The following INA variants were observed in gnomAD, a reference collection of about 807,000 sequenced individuals.
The protein encoded by INA is internexin neuronal intermediate filament protein alpha.
Under a neutral mutation model 40.1 loss-of-function variants are expected in INA, and 35 were observed. The ratio of observed to expected loss-of-function variants is 0.87; its 90% confidence interval spans 0.67 to 1.16. The LOEUF is 1.16. Ranked by LOEUF, INA falls within the 50% of genes most tolerant of loss-of-function variation. The pLI is 0.00. For missense variants in INA, 594 were observed against 686.7 expected (o/e 0.87, Z 1.51); for synonymous variants, 290 against 316.9 (o/e 0.92, Z 0.90).
At chr10:103,287,731 TAAAAAAA>T (rs942151006) in intron 2 of INA, among the ~76,000 whole-genome samples, 1 of 77,980 alleles carries the variant, frequency 1.3e-5, no homozygotes, top group African/African-American at 4.9e-5. Flanking sequence ...AGACTCTGTC[TAAAAAAA>T]AAAAAAAAAA....
At chr10:103,282,909 T>A (rs1006682866) in intron 1 of INA, among the ~76,000 whole-genome samples, 1 of 152,236 alleles carries the variant, frequency 6.6e-6, no homozygotes, top group African/African-American at 2.4e-5. Context: ...TATGATATTA[T>A]CAAGAATAAA....
Position 103,288,448 on chromosome 10 carries a change from C to T in INA, c.1279C>T (p.Leu427Phe). ...TCCACTTCCCAATCCAAGTTACCTG[C>T]TCCCACCTAGAATCCTCAGTGCTAC... ...LNPLPNPSYL[L>F]PPRILSATTS... The change falls in exon 3 of 3, where the codon CTC becomes TTC. Residue 427 changes from leucine (L) to phenylalanine (F), a missense_variant. Transcript: ENST00000369849. 1 of 1,613,970 alleles carries T rather than the reference C, an allele frequency of 6.2e-7. No homozygotes were observed. Among genetic ancestry groups the T allele is most frequent in the Non-Finnish European group, 8.5e-7 (1 of 1,179,996 alleles).
chr10:103,283,028 A>C (rs1025264839), intron 1 of INA, among the ~76,000 whole-genome samples: 10 of 152,242 alleles, frequency 6.6e-5, no homozygotes, highest in Non-Finnish European at 1.3e-4. Context: ...AGATATATTA[A>C]ATTGAAATCC....
rs908800289 is a variant in INA at position 103,286,907 on chromosome 10, A to G, written c.1066-128A>G. On this transcript the variant is annotated intron_variant, in intron 1 of 2. Transcript: ENST00000369849. ...GATCTGGACTCAGGGACAGACCTGG[A>G]TATAAGCAAGTTATAAGTTCATTAG... The G allele has an allele frequency of 4.3e-6, 4 of 935,254 alleles. No individual in the cohort carries two copies. In the East Asian group the frequency reaches 1.1e-4, roughly 25 times the overall value. 57.9% of individuals were successfully genotyped at this position (935,254 alleles called of 1,614,324 possible).
intron 2 of INA, 108 bp downstream of exon 2, chr10:103,287,267 A>C (rs1380210583): frequency 1.6e-6 from 2 of 1,267,562 alleles, no homozygotes; most frequent in African/African-American, 3.0e-5. Context: ...GGGAGGGAAG[A>C]AGGGCATCAC....
chr10:103,278,457 GC>G lies in INA; in HGVS notation c.1065+185del, dbSNP rs1225667243. On this transcript the variant is annotated intron_variant, in intron 1 of 2. Transcript: ENST00000369849. The surrounding 1 kb of genome is among the most constrained non-coding windows in gnomAD (Gnocchi z 4.9). ...GTCTTTAATGTTAATTTTAGGGAAC[GC>G]CCCTCATTTATGTCCCTGCCCCAGC... 6.6e-6 allele frequency among the ~76,000 whole-genome samples: 1 copy of G among 152,162 alleles called. No individual in the cohort carries two copies. The highest frequency in any genetic ancestry group is 1.9e-4 in the East Asian group (1 of 5,190).
rs1467394183 is a variant in INA at position 103,288,494 on chromosome 10, C to A, written c.1325C>A (p.Thr442Asn). The change falls in exon 3 of 3, where the codon ACT becomes AAT. Residue 442 changes from threonine (T) to asparagine (N), a missense_variant. Physicochemically the swap from Thr to Asn is moderately conservative, Grantham distance 65 (BLOSUM62 0). This residue lies in a region of INA where 379 missense variants were observed against 496.1 expected (regional missense o/e 0.76). Coordinates refer to ENST00000369849, the MANE Select transcript of INA (RefSeq NM_032727.4). ...LSATTSKVSS[T>N]GLSLKKEEEE... is the part of the protein sequence containing the mutation. Reference sequence around the variant, plus strand: ...GCTACAACCTCCAAAGTCTCATCCACTGGGCTATCACTTAAGAAAGAGGAG... The same window carrying A: ...GCTACAACCTCCAAAGTCTCATCCAATGGGCTATCACTTAAGAAAGAGGAG... 2 of 1,613,890 alleles carry A rather than the reference C, an allele frequency of 1.2e-6. No individual in the cohort carries two copies. The highest frequency in any genetic ancestry group is 8.5e-7 in the Non-Finnish European group (1 of 1,179,970).
rs767167069 is a variant in INA at position 103,278,327 on chromosome 10, G to C, written c.1065+51G>C. On this transcript the variant is annotated intron_variant, in intron 1 of 2. Coordinates refer to ENST00000369849, the MANE Select transcript of INA (RefSeq NM_032727.4). The surrounding 1 kb of genome is among the most constrained non-coding windows in gnomAD (Gnocchi z 4.9). ...AGGGGTGCCCTGCCCTCTTCCGCGC[G>C]TACCCTCTTCCTCTGGTAAAACTGG... is the stretch of plus-strand genomic sequence containing the variant. 3.0e-5 allele frequency: 42 copies of C among 1,377,380 alleles called. No individual in the cohort carries two copies. The East Asian group carries it at 1.0e-3, about 34-fold the overall frequency. 85.3% of individuals were successfully genotyped at this position (1,377,380 alleles called of 1,614,324 possible). A position where few individuals can be genotyped will look rare whatever the true frequency, so the allele number is the denominator to read the frequency against.
chr10:103,277,201 A>AT lies in INA; in HGVS notation c.-10dup, dbSNP rs2093060614. 1.3e-6 allele frequency: 2 copies of AT among 1,570,602 alleles called. No individual in the cohort carries two copies. Among genetic ancestry groups the AT allele is most frequent in the African/African-American group, 2.8e-5 (2 of 70,374 alleles). ...CGTTGAAGCCGCACGTCCGGCCCCGATCCCGGCACCATGAGCTTCGGCTCG... is the reference window on the plus strand; with the variant it reads ...CGTTGAAGCCGCACGTCCGGCCCCGATTCCCGGCACCATGAGCTTCGGCTCG... On this transcript the variant is annotated 5_prime_UTR_variant, in exon 1 of 3. Coordinates refer to ENST00000369849, the MANE Select transcript of INA (RefSeq NM_032727.4). The surrounding 1 kb of genome is among the most constrained non-coding windows in gnomAD (Gnocchi z 5.6).
intron 1 of INA, among the ~76,000 whole-genome samples, chr10:103,282,991 GACTC>G (rs1213143763): frequency 6.6e-6 from 1 of 152,106 alleles, no homozygotes; most frequent in Non-Finnish European, 1.5e-5. Context: ...ACAGATAATG[GACTC>G]ATCATATATT....
chr10:103,285,841 C>T (rs1216087305), intron 1 of INA, among the ~76,000 whole-genome samples: 1 of 152,014 alleles, frequency 6.6e-6, no homozygotes, highest in East Asian at 1.9e-4. Context: ...TAGTCTTGAA[C>T]TCCTGATCTC....
intron 1 of INA, among the ~76,000 whole-genome samples, chr10:103,284,412 T>TA (rs1396489913): frequency 1.3e-5 from 2 of 152,272 alleles, no homozygotes; most frequent in East Asian, 3.9e-4. Context: ...GCCAAAGTTG[T>TA]AAAACTCTGT....
At chr10:103,286,556 T>C (rs1024077637) in intron 1 of INA, among the ~76,000 whole-genome samples, 3 of 152,102 alleles carry the variant, frequency 2.0e-5, no homozygotes, top group Non-Finnish European at 4.4e-5. Context: ...GAGGTCTTCC[T>C]GGAAAGCTCT....
Position 103,277,884 on chromosome 10 carries a change from G to A in INA, c.673G>A (p.Ala225Thr). ...KKVESLLDEL[A>T]FVRQVHDEEV... The stretch of plus-strand genomic sequence containing the variant: ...GGTGGAGTCGCTGCTGGACGAGCTG[G>A]CCTTCGTACGCCAGGTGCACGACGA... The change falls in exon 1 of 3, where the codon GCC becomes ACC. Residue 225 changes from alanine to threonine, a missense_variant. Around this residue, in one of 2 missense-constraint regions of INA, gnomAD observed 379 missense variants for 496.1 expected, o/e 0.76. Transcript: ENST00000369849. This position sits in a 1 kb window ranked among gnomAD's most constrained non-coding sequence, Gnocchi z 5.6. The A allele has an allele frequency of 2.6e-6, 4 of 1,550,118 alleles. No homozygotes were observed. Among genetic ancestry groups the A allele is most frequent in the Non-Finnish European group, 3.5e-6 (4 of 1,146,882 alleles).
In INA at chr10:103,277,969, A is replaced by G. The variant is rs765954678; in HGVS notation, c.758A>G (p.Asp253Gly). 7 of 1,575,308 alleles carry G rather than the reference A, an allele frequency of 4.4e-6. No homozygotes were observed. The highest frequency in any genetic ancestry group is 6.0e-6 in the Non-Finnish European group (7 of 1,161,454). Reference sequence around the variant, plus strand: ...TCGTCGCAGGCCGCGGCCGAGGTGGACGTGACTGTGGCTAAACCAGACCTG... The same window carrying G: ...TCGTCGCAGGCCGCGGCCGAGGTGGGCGTGACTGTGGCTAAACCAGACCTG... The part of the protein sequence containing the change: ...QASSQAAAEV[D>G]VTVAKPDLTS... The change falls in exon 1 of 3, where the codon GAC (aspartate) becomes GGC (glycine). Residue 253 changes from aspartate to glycine, a missense_variant. Asp to Gly is a moderately conservative substitution (Grantham distance 94). Coordinates refer to ENST00000369849, the MANE Select transcript of INA (RefSeq NM_032727.4). The surrounding 1 kb of genome is among the most constrained non-coding windows in gnomAD (Gnocchi z 5.6).
chr10:103,283,175 A>C (rs912758249), intron 1 of INA, among the ~76,000 whole-genome samples: 10 of 152,222 alleles, frequency 6.6e-5, no homozygotes, highest in Admixed American at 5.9e-4. Context: ...CAAAAACTGC[A>C]ACCCAAGTTC....
At position 103,278,325 on chromosome 10, in the gene INA, G is replaced by A; in HGVS notation, c.1065+49G>A. On this transcript the variant is annotated intron_variant, in intron 1 of 2. Transcript: ENST00000369849. The surrounding 1 kb of genome is among the most constrained non-coding windows in gnomAD (Gnocchi z 4.9). ...GGAGGGGTGCCCTGCCCTCTTCCGC[G>A]CGTACCCTCTTCCTCTGGTAAAACT... The A allele has an allele frequency of 7.2e-7, 1 of 1,387,960 alleles. No individual in the cohort carries two copies. The highest frequency in any genetic ancestry group is 9.7e-7 in the Non-Finnish European group (1 of 1,028,620). 86.0% of individuals were successfully genotyped at this position (1,387,960 alleles called of 1,614,324 possible). A position where few individuals can be genotyped will look rare whatever the true frequency, so the allele number is the denominator to read the frequency against.
chr10:103,277,399 G>A lies in INA; in HGVS notation c.188G>A (p.Gly63Asp), dbSNP rs1377029885. ...TCCTCGGCCTCGTCGCTCGGCCTCG[G>A]CCTGGCCTATCGCCGGCCGCCGGCG... ...ACSSASSLGLGLAYRRPPASD... is the reference protein window; with the variant it reads ...ACSSASSLGLDLAYRRPPASD... The change falls in exon 1 of 3, where the codon GGC becomes GAC. Residue 63 changes from glycine to aspartate, a missense_variant. Transcript: ENST00000369849. This position sits in a 1 kb window ranked among gnomAD's most constrained non-coding sequence, Gnocchi z 5.6. 2 of 1,559,660 alleles carry A rather than the reference G, an allele frequency of 1.3e-6. No individual in the cohort carries two copies. The highest frequency in any genetic ancestry group is 8.6e-7 in the Non-Finnish European group (1 of 1,159,520).
intron 1 of INA, chr10:103,279,938 C>A: frequency 7.8e-7 from 1 of 1,289,076 alleles, no homozygotes; most frequent in Non-Finnish European, 1.0e-6. Flanking sequence ...TTTTTTTCTT[C>A]TAGAAGCCTC....
Sources: gnomAD v4.1 joint callset for allele counts (sites outside exome capture counted in the v4.1 genomes callset) on GRCh38, gnomAD v4.1.1 for gene constraint, gnomAD v4.1.1 regional missense constraint, Gnocchi (gnomAD v3.1) non-coding constraint, MANE v1.5 for transcripts, NCBI Gene and HGNC (gene_info 2026-07-23, HGNC 2026-07-21) for gene names.